GRM8: variants seen among roughly 807,000 people sequenced by gnomAD.
GRM8 encodes the protein metabotropic glutamate receptor 8.
A neutral mutation model predicts 87.2 loss-of-function variants in GRM8; 47 were observed. The observed-to-expected ratio is 0.54, with a 90% CI of 0.43 to 0.69. The LOEUF (loss-of-function observed/expected upper bound fraction) is 0.69, where lower values mean the gene tolerates loss of function less well. Among genes scored for constraint, GRM8 ranks in the 30% least tolerant of loss-of-function variants. The pLI, the probability that GRM8 is intolerant of heterozygous loss-of-function variation, is 0.00. For missense variants in GRM8, 1,019 were observed against 1,139.2 expected (o/e 0.89, Z 1.52); for synonymous variants, 396 against 404.5 (o/e 0.98, Z 0.25).
chr7:126,610,269 A>G (rs770885178), intron 7 of GRM8, among the ~76,000 whole-genome samples: 11 of 152,184 alleles, frequency 7.2e-5, no homozygotes, highest in Non-Finnish European at 1.3e-4. Context: ...GTAGAAATGG[A>G]TCACCACCCC....
intron 2 of GRM8, among the ~76,000 whole-genome samples, chr7:127,122,149 T>C (rs927668426): frequency 6.6e-6 from 1 of 152,220 alleles, no homozygotes; most frequent in African/African-American, 2.4e-5. Context: ...GAAAGCACTT[T>C]GTACATAGCA....
intron 7 of GRM8, among the ~76,000 whole-genome samples, chr7:126,646,262 A>AGAAGGAAGGAAGGAAG (rs201279417): frequency 0.055 from 7,515 of 137,768 alleles, 336 homozygotes; most frequent in East Asian, 0.094. Flanking sequence ...AAGGAGGGAA[A>AGAAGGAAGGAAGGAAG]GAAGGAAGGA....
At chr7:127,151,262 G>A (rs1216688633) in intron 2 of GRM8, among the ~76,000 whole-genome samples, 1 of 151,956 alleles carries the variant, frequency 6.6e-6, no homozygotes, top group Non-Finnish European at 1.5e-5. Flanking sequence ...GACCTCCATA[G>A]AGAAAATCAC....
intron 3 of GRM8, among the ~76,000 whole-genome samples, chr7:126,912,140 T>C (rs1428575501): frequency 1.3e-5 from 2 of 152,050 alleles, no homozygotes; most frequent in Non-Finnish European, 2.9e-5. Flanking sequence ...GAGCTTGCAG[T>C]GAGCCGAGAT....
At chr7:127,106,946 T>G (rs1211721325) in intron 2 of GRM8, among the ~76,000 whole-genome samples, 1 of 152,266 alleles carries the variant, frequency 6.6e-6, no homozygotes, top group Non-Finnish European at 1.5e-5. Flanking sequence ...CATTTTGCTT[T>G]AGTTTCCATT....
At chr7:126,954,229 T>A (rs1808454883) in intron 3 of GRM8, among the ~76,000 whole-genome samples, 1 of 152,058 alleles carries the variant, frequency 6.6e-6, no homozygotes, top group South Asian at 2.1e-4. Context: ...GGAAGTCAAG[T>A]GAAAAACTGC....
intron 8 of GRM8, among the ~76,000 whole-genome samples, chr7:126,597,847 T>A (rs1797357646): frequency 6.6e-6 from 1 of 152,126 alleles, no homozygotes; most frequent in Non-Finnish European, 1.5e-5. Context: ...TTTTGATACA[T>A]GCACACAATA....
chr7:126,867,458 A>C (rs149311604), intron 6 of GRM8, among the ~76,000 whole-genome samples: 34 of 152,350 alleles, frequency 2.2e-4, no homozygotes, highest in African/African-American at 7.5e-4. Context: ...GACTTTTATA[A>C]ATTTCTGGAA....
chr7:126,928,792 C>T (rs1179539471), intron 3 of GRM8, among the ~76,000 whole-genome samples: 1 of 151,762 alleles, frequency 6.6e-6, no homozygotes, highest in African/African-American at 2.4e-5. Flanking sequence ...TTGACATGTA[C>T]ATTAAATATG....
At chr7:127,197,444 G>A (rs1343875139) in intron 2 of GRM8, among the ~76,000 whole-genome samples, 1 of 152,184 alleles carries the variant, frequency 6.6e-6, no homozygotes, top group African/African-American at 2.4e-5. Flanking sequence ...CCTAGCAAGA[G>A]GGAGAGGGTT....
At chr7:126,782,081 C>G (rs2151641894) in intron 6 of GRM8, among the ~76,000 whole-genome samples, 1 of 152,304 alleles carries the variant, frequency 6.6e-6, no homozygotes, top group African/African-American at 2.4e-5. Context: ...TGGTCACACA[C>G]AGCGTATTTC....
chr7:126,509,571 C>T (rs1811016359), intron 9 of GRM8, among the ~76,000 whole-genome samples: 1 of 151,986 alleles, frequency 6.6e-6, no homozygotes, highest in Admixed American at 6.6e-5. Flanking sequence ...ATTACTATAT[C>T]CCAGGCACTT....
Position 126,820,708 on chromosome 7 carries a change from C to T in GRM8, c.1157-50643G>A, listed in dbSNP as rs557505224. Among the ~76,000 whole-genome samples, 84 of 152,332 alleles carry T rather than the reference C, an allele frequency of 5.5e-4. No individual in the cohort carries two copies. In the Middle Eastern group the frequency reaches 0.01, roughly 19 times the overall value. On this transcript the variant is annotated intron_variant, in intron 6 of 10. Transcript: ENST00000339582. ...CAGTTCTTTCTCTCTCTCTCTGTTT[C>T]TCCACACTGGCTGCTTAAACCCTTT...
chr7:126,845,447 T>A (rs1158912321), intron 6 of GRM8, among the ~76,000 whole-genome samples: 4 of 152,124 alleles, frequency 2.6e-5, no homozygotes, highest in Admixed American at 2.6e-4. Context: ...CTTTTTTTTA[T>A]CCCAAAGGAG....
chr7:127,019,291 C>T (rs1816019826), intron 3 of GRM8, among the ~76,000 whole-genome samples: 1 of 152,026 alleles, frequency 6.6e-6, no homozygotes, highest in African/African-American at 2.4e-5. Context: ...GTTGTCACAT[C>T]ATAACATTGT....
intron 9 of GRM8, among the ~76,000 whole-genome samples, chr7:126,494,426 GC>G (rs763640729): frequency 5.3e-5 from 8 of 151,954 alleles, no homozygotes; most frequent in Non-Finnish European, 1.0e-4. Flanking sequence ...AGCTTTAGGA[GC>G]CCTATCATCT....
chr7:126,440,151 C>T lies in GRM8; in HGVS notation c.2678-983G>A, dbSNP rs185845315. Among the ~76,000 whole-genome samples, 310 of 151,796 alleles carry T rather than the reference C, an allele frequency of 2.0e-3. 3 individuals carry two copies. Among genetic ancestry groups the T allele is most frequent in the African/African-American group, 7.0e-3 (291 of 41,442 alleles). On this transcript the variant is annotated intron_variant, in intron 10 of 10. Coordinates refer to ENST00000339582, the MANE Select transcript of GRM8 (RefSeq NM_000845.3). ...TACAGTGGCTGGGTGCAGAGACTCA[C>T]GTCTGTAATCCCAGCACTTTGGGAG... is the stretch of plus-strand genomic sequence containing the variant.
intron 1 of GRM8, among the ~76,000 whole-genome samples, chr7:127,246,682 G>A (rs1428209032): frequency 1.3e-5 from 2 of 152,164 alleles, no homozygotes; most frequent in Non-Finnish European, 2.9e-5. Flanking sequence ...AGGCACCCTG[G>A]CTGGACCCCG....
Position 126,779,086 on chromosome 7 carries a change from G to C in GRM8, c.1157-9021C>G, listed in dbSNP as rs536788860. Among the ~76,000 whole-genome samples, 3 of 151,684 alleles carry C rather than the reference G, an allele frequency of 2.0e-5. No individual in the cohort carries two copies. The South Asian group carries it at 6.3e-4, about 32-fold the overall frequency. On this transcript the variant is annotated intron_variant, in intron 6 of 10. Coordinates refer to ENST00000339582, the MANE Select transcript of GRM8 (RefSeq NM_000845.3). ...ATTCCCCTATATTATAGAAAAGCAT[G>C]GTTTTTTATCTTGTCCTTAATCTTT...
Sources: allele counts gnomAD v4.1 joint callset (sites outside exome capture counted in the v4.1 genomes callset), GRCh38; gene constraint gnomAD v4.1.1; transcripts MANE v1.5; gene names NCBI Gene and HGNC (gene_info 2026-07-23, HGNC 2026-07-21).